Variants in SLC25A48 observed in about 807,000 individuals in gnomAD.
The protein encoded by SLC25A48 is solute carrier family 25 member 48, also known as CTC-321K16.1.
A neutral mutation model predicts 32.2 loss-of-function variants in SLC25A48; 29 were observed. The observed-to-expected ratio is 0.90, with a 90% CI of 0.67 to 1.23. The LOEUF is 1.23. Among genes scored for constraint, SLC25A48 ranks in the 50% most tolerant of loss-of-function variants. The pLI, the probability that SLC25A48 is intolerant of heterozygous loss-of-function variation, is 0.00. For synonymous variants in SLC25A48, 164 were observed against 172.3 expected, an observed-to-expected ratio of 0.95 and a Z score of 0.38; for missense variants, 399 against 422.7, an observed-to-expected ratio of 0.94 and a Z score of 0.49.
intron 2 of SLC25A48, among the ~76,000 whole-genome samples, chr5:135,631,036 C>A (rs1752555435): frequency 6.6e-6 from 1 of 152,286 alleles, no homozygotes; most frequent in Non-Finnish European, 1.5e-5. Context: ...TATGCCAAAG[C>A]CTTTGAGTCC....
intron 3 of SLC25A48, among the ~76,000 whole-genome samples, chr5:135,695,708 G>GAGAA (rs2126961748): frequency 6.6e-6 from 1 of 152,262 alleles, no homozygotes; most frequent in South Asian, 2.1e-4. Flanking sequence ...GTTTCTTCTT[G>GAGAA]GACCCCAGCC....
At chr5:135,646,425 A>C (rs1443330524) in intron 3 of SLC25A48, among the ~76,000 whole-genome samples, 1 of 151,846 alleles carries the variant, frequency 6.6e-6, no homozygotes, top group Admixed American at 6.6e-5. Flanking sequence ...CTGTTCCTTC[A>C]AGTTCTGGTG....
chr5:135,887,831 CT>C (rs559240848), intron 7 of SLC25A48, among the ~76,000 whole-genome samples, 200 bp from the exon 8 acceptor site: 55 of 152,342 alleles, frequency 3.6e-4, no homozygotes, highest in South Asian at 1.9e-3. Context: ...GCAGTGCCCC[CT>C]GAGCCATCTG....
At chr5:135,818,310 A>G (rs1184044422) in intron 4 of SLC25A48, among the ~76,000 whole-genome samples, 1 of 152,208 alleles carries the variant, frequency 6.6e-6, no homozygotes, top group African/African-American at 2.4e-5. Flanking sequence ...TAGCCAGAAA[A>G]GCAGTCCTCT....
intron 3 of SLC25A48, among the ~76,000 whole-genome samples, chr5:135,672,102 G>C (rs2126943000): frequency 6.6e-6 from 1 of 152,250 alleles, no homozygotes; most frequent in South Asian, 2.1e-4. Context: ...TATTAATACA[G>C]AAGAACAATG....
chr5:135,659,212 G>A (rs919100185), intron 3 of SLC25A48, among the ~76,000 whole-genome samples: 1 of 152,072 alleles, frequency 6.6e-6, no homozygotes, highest in Admixed American at 6.6e-5. Context: ...AAGCAGTCAG[G>A]CCACATCTTG....
chr5:135,787,882 A>T (rs1362413886), intron 3 of SLC25A48, among the ~76,000 whole-genome samples: 1 of 151,932 alleles, frequency 6.6e-6, no homozygotes, highest in African/African-American at 2.4e-5. Flanking sequence ...CAAAGGGTGT[A>T]CACCTTGTGA....
intron 3 of SLC25A48, among the ~76,000 whole-genome samples, chr5:135,801,875 G>A (rs1230634203): frequency 6.6e-6 from 1 of 151,346 alleles, no homozygotes; most frequent in East Asian, 1.9e-4. Flanking sequence ...GATATTACTC[G>A]CAATATTGCA....
At chr5:135,643,095 CCAA>C (rs1271948114) in intron 3 of SLC25A48, among the ~76,000 whole-genome samples, 1 of 152,180 alleles carries the variant, frequency 6.6e-6, no homozygotes, top group Non-Finnish European at 1.5e-5. Context: ...GACTCAGCCC[CCAA>C]CATGTATGTC....
At position 135,663,715 on chromosome 5, in the gene SLC25A48, T is replaced by A. The variant is rs562270753; in HGVS notation, c.-521+28759T>A. Among the ~76,000 whole-genome samples the A allele has an allele frequency of 2.6e-5, 4 of 152,326 alleles. No individual in the cohort carries two copies. In the South Asian group the frequency reaches 8.3e-4, roughly 32 times the overall value. On this transcript the variant is annotated intron_variant, in intron 3 of 10. Coordinates refer to the SLC25A48 transcript ENST00000646290. The stretch of plus-strand genomic sequence containing the variant: ...CTGTGGGCTACTCTTGTGTGGAGTT[T>A]AAAATGTGGCCACTTTTTACAGGAC...
rs1759082299 is a variant in SLC25A48, at chr5:135,842,397, AT to A, written c.47-17del. On this transcript the variant is annotated intron_variant, in intron 1 of 7. Transcript: ENST00000681962. Reference sequence around the variant, plus strand: ...GAGTCCAAGGGCTGAGTTACTAGGCATTCTTTTTTGATCCACAGGTGCAGCC... The same window carrying A: ...GAGTCCAAGGGCTGAGTTACTAGGCATCTTTTTTGATCCACAGGTGCAGCC... The A allele has an allele frequency of 1.2e-6, 2 of 1,613,522 alleles. No individual in the cohort carries two copies.
intron 3 of SLC25A48, among the ~76,000 whole-genome samples, chr5:135,682,161 T>C (rs1753912434): frequency 6.6e-6 from 1 of 152,210 alleles, no homozygotes; most frequent in Non-Finnish European, 1.5e-5. Flanking sequence ...CTGTCTGCTA[T>C]GGCCTGGAAA....
At chr5:135,590,893 C>T (rs1400706326) in intron 1 of SLC25A48, among the ~76,000 whole-genome samples, 5 of 152,372 alleles carry the variant, frequency 3.3e-5, no homozygotes, top group Middle Eastern at 3.4e-3. Context: ...TCCCAATGTT[C>T]GGCACATGCC....
chr5:135,887,292 A>G (rs920543412), intron 7 of SLC25A48, among the ~76,000 whole-genome samples: 2 of 152,114 alleles, frequency 1.3e-5, no homozygotes, highest in South Asian at 4.1e-4. Flanking sequence ...CTTTTAGTCT[A>G]TGGGTTATCA....
At chr5:135,880,148 T>A in intron 7 of SLC25A48, 51 bp downstream of exon 7, 1 of 1,155,728 alleles carries the variant, frequency 8.7e-7, no homozygotes, top group Non-Finnish European at 1.2e-6. Flanking sequence ...ACTTGAAACT[T>A]TTTTTTTTTT....
intron 1 of SLC25A48, among the ~76,000 whole-genome samples, chr5:135,592,085 T>G (rs1751541100): frequency 6.6e-6 from 1 of 152,068 alleles, no homozygotes; most frequent in Non-Finnish European, 1.5e-5. Context: ...ACAGGCCAAG[T>G]TAGAGGACTG....
intron 3 of SLC25A48, among the ~76,000 whole-genome samples, chr5:135,774,583 A>G (rs1756499421): frequency 6.6e-6 from 1 of 151,790 alleles, no homozygotes; most frequent in African/African-American, 2.4e-5. Flanking sequence ...CACAGCGGTT[A>G]TACACCCCTC....
At chr5:135,773,622 A>G (rs575667665) in intron 3 of SLC25A48, among the ~76,000 whole-genome samples, 1 of 151,668 alleles carries the variant, frequency 6.6e-6, no homozygotes, top group South Asian at 2.1e-4. Context: ...GAGAAGATTG[A>G]TATTACTCCC....
At chr5:135,729,354 ATTT>A in intron 3 of SLC25A48, among the ~76,000 whole-genome samples, 1 of 146,316 alleles carries the variant, frequency 6.8e-6, no homozygotes, top group South Asian at 2.2e-4. Flanking sequence ...TTGAGGAAAG[ATTT>A]TTTTTTTTTT....
Sources: gnomAD v4.1 joint callset for allele counts (sites outside exome capture counted in the v4.1 genomes callset) on GRCh38, gnomAD v4.1.1 for gene constraint, MANE v1.5 for transcripts, NCBI Gene and HGNC (gene_info 2026-07-23, HGNC 2026-07-21) for gene names.